RPL21: variants seen among roughly 807,000 people sequenced by gnomAD.
RPL21 encodes large ribosomal subunit protein eL21.
Under a neutral mutation model 21.2 loss-of-function variants are expected in RPL21, and 1 was observed. The observed-to-expected ratio is 0.05, with a 90% CI of 0.02 to 0.22. RPL21 has a LOEUF of 0.22. Among genes scored for constraint, RPL21 ranks in the 10% least tolerant of loss-of-function variants. The pLI, the probability that RPL21 is intolerant of heterozygous loss-of-function variation, is 1.00. For missense variants in RPL21, 113 were observed against 199.4 expected, an observed-to-expected ratio of 0.57 and a Z score of 2.61; for synonymous variants, 52 against 62.9, an observed-to-expected ratio of 0.83 and a Z score of 0.82.
chr13:27,253,127 CT>C (rs1881726451), intron 1 of RPL21, among the ~76,000 whole-genome samples: 1 of 152,190 alleles, frequency 6.6e-6, no homozygotes, highest in Non-Finnish European at 1.5e-5. Flanking sequence ...GTGTTCACCC[CT>C]ATTTTACAAA....
At chr13:27,254,719 C>T (rs1436023891) in intron 3 of RPL21, among the ~76,000 whole-genome samples, 1 of 151,912 alleles carries the variant, frequency 6.6e-6, no homozygotes, top group Non-Finnish European at 1.5e-5. Context: ...GAAGGGGTTT[C>T]TCCATGTTGG....
rs1237521410 is a variant in RPL21 at position 27,253,811 on chromosome 13, G to A, written c.35G>A (p.Arg12Gln). ...ACAAAGGGAAAGAGGAGAGGCACCC[G>A]ATATATGTTCTCTAGGCCTTTTAGA... ...TNTKGKRRGT[R>Q]YMFSRPFRKH... The change falls in exon 2 of 6, where the codon CGA (arginine) becomes CAA (glutamine). Residue 12 changes from arginine (R) to glutamine (Q), a missense_variant. By Grantham distance (43) the Arg-to-Gln change is conservative. Transcript: ENST00000311549. 3 of 1,607,098 alleles carry A rather than the reference G, an allele frequency of 1.9e-6. No homozygotes were observed. Among genetic ancestry groups the A allele is most frequent in the Non-Finnish European group, 2.6e-6 (3 of 1,173,824 alleles).
chr13:27,255,675 C>T, intron 4 of RPL21: 1 of 406,302 alleles, frequency 2.5e-6, no homozygotes, highest in South Asian at 1.9e-5. Context: ...GGGTTCACGC[C>T]ATTCTCCTGC....
Position 27,254,247 on chromosome 13 carries a change from G to A in RPL21, c.95G>A (p.Arg32Gln), listed in dbSNP as rs587777527. The A allele has an allele frequency of 1.3e-6, 2 of 1,599,360 alleles. No individual in the cohort carries two copies. Among genetic ancestry groups the A allele is most frequent in the Non-Finnish European group, 1.7e-6 (2 of 1,166,778 alleles). The change falls in exon 3 of 6, where the codon CGA (arginine) becomes CAA (glutamine). Residue 32 changes from arginine to glutamine, a missense_variant. By Grantham distance (43) the Arg-to-Gln change is conservative. Coordinates refer to ENST00000311549, the MANE Select transcript of RPL21 (RefSeq NM_000982.4). ...HGVVPLATYM[R>Q]IYKKGDIVDI... ...GTTGTTCCTTTGGCCACATATATGC[G>A]AATCTATAAGAAAGGTGATATTGTA... is the stretch of plus-strand genomic sequence containing the variant.
chr13:27,255,960 CCAT>C (rs1312102189), intron 4 of RPL21: 6 of 523,146 alleles, frequency 1.1e-5, no homozygotes, highest in African/African-American at 1.9e-5. Context: ...GTTTAAGAGA[CCAT>C]CATCTCATCA....
chr13:27,253,460 A>G (rs185569874), intron 1 of RPL21, among the ~76,000 whole-genome samples: 13 of 152,330 alleles, frequency 8.5e-5, no homozygotes, highest in Non-Finnish European at 1.8e-4. Flanking sequence ...TTCTACAGAT[A>G]GAGTGTGGTA....
intron 1 of RPL21, among the ~76,000 whole-genome samples, chr13:27,252,318 G>T (rs1881690799): frequency 6.6e-6 from 1 of 152,228 alleles, no homozygotes; most frequent in Non-Finnish European, 1.5e-5. Flanking sequence ...TGCTTTGAGT[G>T]AAGGGAAACA....
chr13:27,253,734 C>G (rs1555248549), intron 1 of RPL21, 31 bp from the exon 2 acceptor site: 2 of 1,248,548 alleles, frequency 1.6e-6, no homozygotes, highest in South Asian at 2.4e-5. Context: ...AGTTTTCAGT[C>G]GTATTTGACT....
At position 27,254,225 on chromosome 13, in the gene RPL21, G is replaced by T; in HGVS notation, c.73G>T (p.Val25Phe). 1 of 1,591,440 alleles carries T rather than the reference G, an allele frequency of 6.3e-7. No individual in the cohort carries two copies. Among genetic ancestry groups the T allele is most frequent in the Non-Finnish European group, 8.6e-7 (1 of 1,159,618 alleles). Reference sequence around the variant, plus strand: ...TACCAAATTTATTTTTGTAGGAGTTGTTCCTTTGGCCACATATATGCGAAT... The same window carrying T: ...TACCAAATTTATTTTTGTAGGAGTTTTTCCTTTGGCCACATATATGCGAAT... Reference protein sequence around the residue: ...FSRPFRKHGVVPLATYMRIYK... With the variant: ...FSRPFRKHGVFPLATYMRIYK... The change falls in exon 3 of 6, where the codon GTT (valine) becomes TTT (phenylalanine). Residue 25 changes from valine (V) to phenylalanine (F), a missense_variant. Coordinates refer to ENST00000311549, the MANE Select transcript of RPL21 (RefSeq NM_000982.4).
chr13:27,256,004 A>G lies in RPL21; in HGVS notation c.243-180A>G, dbSNP rs562678170. ...AGTTAAAAGTAGGGATGTTCTCTGC[A>G]AGGCCTCTTCTGATATGATTAATTG... is the stretch of plus-strand genomic sequence containing the variant. On this transcript the variant is annotated intron_variant, in intron 4 of 5. Coordinates refer to ENST00000311549, the MANE Select transcript of RPL21 (RefSeq NM_000982.4). The G allele has an allele frequency of 2.1e-5, 13 of 609,502 alleles. No homozygotes were observed. The South Asian group carries it at 2.4e-4, about 11-fold the overall frequency. 37.8% of individuals were successfully genotyped at this position (609,502 alleles called of 1,614,324 possible).
chr13:27,252,831 C>A (rs761010869), intron 1 of RPL21, among the ~76,000 whole-genome samples: 1 of 152,158 alleles, frequency 6.6e-6, no homozygotes, highest in African/African-American at 2.4e-5. Context: ...TGTTGGTAAA[C>A]TTAGAAACCA....
chr13:27,254,391 G>GCTTTTT (rs1566038795), intron 3 of RPL21, 110 bp downstream of exon 3: 1 of 164,018 alleles, frequency 6.1e-6, no homozygotes, highest in Non-Finnish European at 1.0e-5. Flanking sequence ...GTATAGAATG[G>GCTTTTT]ATTTTTTTTT....
rs149923803 is a variant in RPL21 at position 27,254,360 on chromosome 13, G to T, written c.129+79G>T. The stretch of plus-strand genomic sequence containing the variant: ...ATCTAGTGTAGGAATTCAAATACTA[G>T]TGTATGTTGCATCTGTAAGAGTATA... On this transcript the variant is annotated intron_variant, in intron 3 of 5. Transcript: ENST00000311549. 284 of 704,884 alleles carry T rather than the reference G, an allele frequency of 4.0e-4. No individual in the cohort carries two copies. In the African/African-American group the frequency reaches 4.5e-3, roughly 11 times the overall value. The allele number at this position is 704,884 out of a possible 1,614,324, so 43.7% of individuals were successfully genotyped here. A position where few individuals can be genotyped will look rare whatever the true frequency, so the allele number is the denominator to read the frequency against.
At chr13:27,253,956 C>A in intron 2 of RPL21, 113 bp downstream of exon 2, 1 of 762,132 alleles carries the variant, frequency 1.3e-6, no homozygotes, top group Non-Finnish European at 2.4e-6. Flanking sequence ...TAACTAGCGT[C>A]TACCCAGCTT....
intron 3 of RPL21, among the ~76,000 whole-genome samples, chr13:27,254,758 T>A (rs533209000): frequency 6.6e-6 from 1 of 152,334 alleles, no homozygotes; most frequent in Non-Finnish European, 1.5e-5. Context: ...CCTCGGGTGA[T>A]CCGCCGGACT....
At chr13:27,255,723 C>A (rs960623970) in intron 4 of RPL21, 1 of 365,104 alleles carries the variant, frequency 2.7e-6, no homozygotes, top group South Asian at 2.1e-5. Flanking sequence ...AGGCGCCCAC[C>A]ACCATGCCCA....
chr13:27,255,495 T>G (rs1881858147), intron 4 of RPL21, 141 bp downstream of exon 4: 1 of 765,078 alleles, frequency 1.3e-6, no homozygotes. Context: ...GCAAACTGGG[T>G]GTTTGTCTGT....
chr13:27,255,462 G>C, intron 4 of RPL21, 108 bp downstream of exon 4: 1 of 772,368 alleles, frequency 1.3e-6, no homozygotes, highest in Non-Finnish European at 2.4e-6. Flanking sequence ...GTGGGGCAAA[G>C]GAAATATCCT....
At chr13:27,252,109 GCT>G (rs538577875) in intron 1 of RPL21, among the ~76,000 whole-genome samples, 4 of 152,288 alleles carry the variant, frequency 2.6e-5, no homozygotes, top group Admixed American at 2.0e-4. Flanking sequence ...GAAAACCCGG[GCT>G]CTCGGTCGGA....
Sources: gnomAD v4.1 joint callset for allele counts (sites outside exome capture counted in the v4.1 genomes callset) on GRCh38, gnomAD v4.1.1 for gene constraint, MANE v1.5 for transcripts, NCBI Gene and HGNC (gene_info 2026-07-23, HGNC 2026-07-21) for gene names.